TRERF1: variants seen among roughly 807,000 people sequenced by gnomAD.
TRERF1 encodes the protein transcriptional regulating factor 1, also known as transcriptional-regulating factor 1.
TRERF1 carries 27 observed loss-of-function variants against 122.9 expected under a neutral mutation model. The observed-to-expected ratio is 0.22, with a 90% CI of 0.16 to 0.30. The LOEUF (loss-of-function observed/expected upper bound fraction) is 0.30. Among genes scored for constraint, TRERF1 ranks in the 10% least tolerant of loss-of-function variants. TRERF1 has a pLI of 1.00. For synonymous variants in TRERF1, 636 were observed against 641.7 expected (o/e 0.99, Z 0.13); for missense variants, 1,248 against 1,560.3 (o/e 0.80, Z 3.37).
chr6:42,257,412 T>C (rs1776973057), intron 10 of TRERF1, among the ~76,000 whole-genome samples: 1 of 152,166 alleles, frequency 6.6e-6, no homozygotes, highest in African/African-American at 2.4e-5. Flanking sequence ...TGGCCAATGG[T>C]GCCATTTAAC....
At chr6:42,324,267 T>C (rs1424314743) in intron 3 of TRERF1, among the ~76,000 whole-genome samples, 1 of 152,004 alleles carries the variant, frequency 6.6e-6, no homozygotes, top group Admixed American at 6.5e-5. Flanking sequence ...CACAAACAAA[T>C]GAAAAAACAT....
intron 2 of TRERF1, among the ~76,000 whole-genome samples, chr6:42,370,640 C>T (rs1047353684): frequency 2.6e-5 from 4 of 152,208 alleles, no homozygotes; most frequent in African/African-American, 7.2e-5. Flanking sequence ...AGAGAATTAT[C>T]TCTTTTCTGT....
At chr6:42,339,378 C>T (rs1369439443) in intron 3 of TRERF1, among the ~76,000 whole-genome samples, 2 of 152,010 alleles carry the variant, frequency 1.3e-5, no homozygotes, top group Non-Finnish European at 2.9e-5. Flanking sequence ...TCATCTTTTC[C>T]TATTCATCTC....
intron 2 of TRERF1, among the ~76,000 whole-genome samples, chr6:42,425,825 G>A (rs1783563404): frequency 6.8e-6 from 1 of 147,658 alleles, no homozygotes; most frequent in Admixed American, 6.7e-5. Flanking sequence ...TTACAGGCGT[G>A]AGCCAGTGCC....
At chr6:42,357,026 T>G (rs1371152238) in intron 3 of TRERF1, among the ~76,000 whole-genome samples, 3 of 152,058 alleles carry the variant, frequency 2.0e-5, no homozygotes, top group African/African-American at 4.8e-5. Context: ...GTAAGGGGTC[T>G]GAACAAATTA....
intron 15 of TRERF1, among the ~76,000 whole-genome samples, chr6:42,237,365 C>T (rs866853494): frequency 6.6e-6 from 1 of 152,214 alleles, no homozygotes; most frequent in South Asian, 2.1e-4. Context: ...TCTGCTCTCT[C>T]CAACCTTCCC....
upstream of TRERF1, chr6:42,452,188 C>A (rs1788669908): frequency 7.1e-6 from 1 of 140,272 alleles, no homozygotes; most frequent in Admixed American, 7.3e-5. Context: ...GTCAGCAAAT[C>A]GACTGTCAAA....
chr6:42,266,892 G>A (rs1423383300), intron 5 of TRERF1, among the ~76,000 whole-genome samples: 1 of 152,158 alleles, frequency 6.6e-6, no homozygotes, highest in Non-Finnish European at 1.5e-5. Context: ...CTGCTCTCTA[G>A]TTCACAGTCA....
chr6:42,348,555 C>T (rs1260140649), intron 3 of TRERF1, among the ~76,000 whole-genome samples: 1 of 152,110 alleles, frequency 6.6e-6, no homozygotes, highest in Non-Finnish European at 1.5e-5. Flanking sequence ...GCCTGGCCTC[C>T]CTGGCTCCTC....
At chr6:42,429,860 G>A (rs1784216790) in intron 2 of TRERF1, among the ~76,000 whole-genome samples, 1 of 152,190 alleles carries the variant, frequency 6.6e-6, no homozygotes, top group African/African-American at 2.4e-5. Flanking sequence ...AGCAAGTAAA[G>A]GGGATGGGTC....
intron 3 of TRERF1, among the ~76,000 whole-genome samples, chr6:42,319,511 C>G (rs564570098): frequency 1.3e-5 from 2 of 152,178 alleles, no homozygotes; most frequent in Non-Finnish European, 2.9e-5. Context: ...CCAATACAAG[C>G]TTTTAATTTG....
exon 18 of TRERF1, chr6:42,225,500 T>C (rs1769394862): frequency 6.6e-6 from 1 of 152,000 alleles, no homozygotes; most frequent in Admixed American, 6.6e-5. Flanking sequence ...AAATTATGAA[T>C]ATGCTATACA....
chr6:42,326,508 C>T (rs1764321279), intron 3 of TRERF1, among the ~76,000 whole-genome samples: 1 of 152,130 alleles, frequency 6.6e-6, no homozygotes, highest in Admixed American at 6.5e-5. Flanking sequence ...TGGGTGGGGC[C>T]CAGGGCAAGA....
At chr6:42,335,320 C>T (rs1004507774) in intron 3 of TRERF1, among the ~76,000 whole-genome samples, 3 of 152,184 alleles carry the variant, frequency 2.0e-5, no homozygotes, top group African/African-American at 7.2e-5. Flanking sequence ...GGCAGGGGCA[C>T]AGCAACAGTA....
chr6:42,347,684 A>G (rs1768571701), intron 3 of TRERF1, among the ~76,000 whole-genome samples: 1 of 152,194 alleles, frequency 6.6e-6, no homozygotes, highest in African/African-American at 2.4e-5. Context: ...TAAAAACAAA[A>G]GAAAAGCGGT....
chr6:42,248,402 G>A (rs937074135), intron 13 of TRERF1, among the ~76,000 whole-genome samples: 1 of 151,880 alleles, frequency 6.6e-6, no homozygotes, highest in African/African-American at 2.4e-5. Flanking sequence ...ACCCAGGCTG[G>A]AGTGCAGTGG....
rs1554218672 is a variant in TRERF1 at position 42,434,668 on chromosome 6, C to CCACACAGACACACACA, written c.-454+16508_-454+16509insTGTGTGTGTCTGTGTG. 1.3e-3 allele frequency among the ~76,000 whole-genome samples: 147 copies of CCACACAGACACACACA among 115,010 alleles called. 1 individual carries two copies. The highest frequency in any genetic ancestry group is 3.7e-3 in the African/African-American group (130 of 34,988). The allele number at this position is 115,010 out of a possible 152,430, so 75.5% of individuals were successfully genotyped here. A position where few individuals can be genotyped will look rare whatever the true frequency, so the allele number is the denominator to read the frequency against. Reference sequence around the variant, plus strand: ...CTGGAACACCAGCAGACACCCTCCACCACACACACACACACACACACACAC... The same window carrying CCACACAGACACACACA: ...CTGGAACACCAGCAGACACCCTCCACCACACAGACACACACACACACACACACACACACACACACAC... On this transcript the variant is annotated intron_variant, in intron 2 of 17. Coordinates refer to ENST00000372922, the Ensembl canonical transcript of TRERF1.
rs181177468 is a variant in TRERF1, at chr6:42,262,773, A to T, written c.1884+547T>A. On this transcript the variant is annotated intron_variant, in intron 8 of 17. Coordinates refer to ENST00000372922, the Ensembl canonical transcript of TRERF1. ...GGAACTTTAACGAATTAGGTTCTCC[A>T]GGGTATTTAAGCAGACAAAAATATT... Among the ~76,000 whole-genome samples the T allele has an allele frequency of 5.3e-5, 8 of 152,334 alleles. No homozygotes were observed. In the East Asian group the frequency reaches 1.5e-3, roughly 29 times the overall value.
intron 2 of TRERF1, among the ~76,000 whole-genome samples, chr6:42,419,238 T>C: frequency 7.2e-6 from 1 of 139,056 alleles, no homozygotes; most frequent in African/African-American, 2.7e-5. Flanking sequence ...AGTTTCTACT[T>C]CCCCCCACCG....
Sources: allele counts gnomAD v4.1 joint callset (sites outside exome capture counted in the v4.1 genomes callset), GRCh38; gene constraint gnomAD v4.1.1; transcripts MANE v1.5; gene names NCBI Gene and HGNC (gene_info 2026-07-23, HGNC 2026-07-21).